WDR54: variants seen among roughly 807,000 people sequenced by gnomAD.
WDR54 encodes the protein WD repeat domain 54.
WDR54 carries 44 observed loss-of-function variants against 44.1 expected under a neutral mutation model. That is an observed-to-expected ratio of 1.00 (90% CI 0.78 to 1.28). The LOEUF (loss-of-function observed/expected upper bound fraction) is 1.28. Among genes scored for constraint, WDR54 ranks in the 50% most tolerant of loss-of-function variants. The pLI is 0.00. For missense variants in WDR54, 409 were observed against 429.7 expected (o/e 0.95, Z 0.43); for synonymous variants, 169 against 169.8 (o/e 1.00, Z 0.04).
At position 74,422,191 on chromosome 2, in the gene WDR54, C is replaced by T. The variant is rs1023176123; in HGVS notation, c.38C>T (p.Ser13Leu). 38 of 1,613,608 alleles carry T rather than the reference C, an allele frequency of 2.4e-5. No homozygotes were observed. The highest frequency in any genetic ancestry group is 2.9e-5 in the Non-Finnish European group (34 of 1,180,040). The change falls in exon 2 of 10, where the codon TCG becomes TTG. Residue 13 changes from serine (S) to leucine (L), a missense_variant. Coordinates refer to ENST00000348227, the MANE Select transcript of WDR54 (RefSeq NM_032118.4). ...GAGCGCTCCATTCCCCTGCGAGGCT[C>T]GGCCGCCGCCCTGTGCAACAACCTC... ...RWERSIPLRGSAAALCNNLSV... is the reference protein window; with the variant it reads ...RWERSIPLRGLAAALCNNLSV...
At chr2:74,422,099 C>G in intron 1 of WDR54, 54 bp from the exon 2 acceptor site, 2 of 1,574,070 alleles carry the variant, frequency 1.3e-6, no homozygotes, top group Non-Finnish European at 1.7e-6. Context: ...CCTCGGGCAT[C>G]TCCGCTGCGT....
Position 74,424,990 on chromosome 2 carries a change from A to G in WDR54, c.635+15A>G, listed in dbSNP as rs753372135. ...CCAGGATTTGGGTAGGTGAGGCAGA[A>G]AGGGTAGAGGGCTTCCTGAGATAGC... On this transcript the variant is annotated intron_variant, in intron 7 of 9. Coordinates refer to ENST00000348227, the MANE Select transcript of WDR54 (RefSeq NM_032118.4). The G allele has an allele frequency of 1.2e-6, 2 of 1,614,198 alleles. No individual in the cohort carries two copies. The highest frequency in any genetic ancestry group is 1.7e-6 in the Non-Finnish European group (2 of 1,180,024).
rs571872048 is a variant in WDR54 at position 74,425,488 on chromosome 2, T to G, written c.870T>G (p.Ile290Met). 6.2e-7 allele frequency: 1 copy of G among 1,614,024 alleles called. No homozygotes were observed. Among genetic ancestry groups the G allele is most frequent in the Admixed American group, 1.7e-5 (1 of 60,016 alleles). ...KLSRNPESGY[I>M]EVEHCHGECV... ...GCAGAAACCCAGAGAGTGGCTACAT[T>G]GAGGTATGTGTCATGGGGTGGGTGG... is the stretch of plus-strand genomic sequence containing the variant. Residue 290 changes from isoleucine to methionine, a missense_variant, in exon 9 of 10, where the codon ATT becomes ATG. Coordinates refer to ENST00000348227, the MANE Select transcript of WDR54 (RefSeq NM_032118.4).
chr2:74,422,483 C>G, intron 2 of WDR54, 108 bp downstream of exon 2: 1 of 1,289,642 alleles, frequency 7.8e-7, no homozygotes, highest in Non-Finnish European at 1.1e-6. Flanking sequence ...TCTCCCCAGG[C>G]ATGTCCTAAC....
intron 3 of WDR54, 76 bp from the exon 4 acceptor site, chr2:74,423,243 G>T (rs1670203490): frequency 6.5e-7 from 1 of 1,532,300 alleles, no homozygotes; most frequent in African/African-American, 1.4e-5. Context: ...AATGGGCTAA[G>T]GCTAACACGG....
intron 2 of WDR54, chr2:74,422,577 G>A: frequency 1.5e-6 from 1 of 671,478 alleles, no homozygotes; most frequent in Non-Finnish European, 2.5e-6. Context: ...GGCACTTGAG[G>A]CCAGGAGTTC....
Position 74,422,162 on chromosome 2 carries a change from C to T in WDR54, c.9C>T (p.Arg3=), listed in dbSNP as rs1172469652. Reference sequence around the variant, plus strand: ...CTGCACCCCCACACAGGATGTTCCGCTGGGAGCGCTCCATTCCCCTGCGAG... The same window carrying T: ...CTGCACCCCCACACAGGATGTTCCGTTGGGAGCGCTCCATTCCCCTGCGAG... MF[R]WERSIPLRGS... Residue 3 remains arginine, a synonymous_variant, in exon 2 of 10, where the codon CGC becomes CGT. Transcript: ENST00000348227. 1.2e-6 allele frequency: 2 copies of T among 1,612,566 alleles called. No individual in the cohort carries two copies. The highest frequency in any genetic ancestry group is 1.3e-5 in the African/African-American group (1 of 74,902).
Position 74,424,964 on chromosome 2 carries a change from T to C in WDR54, c.624T>C (p.Ile208=). Residue 208 remains isoleucine (I), a synonymous_variant, in exon 7 of 10, where the codon ATT becomes ATC. Coordinates refer to ENST00000348227, the MANE Select transcript of WDR54 (RefSeq NM_032118.4). ...SGPEFTLLTR[I]PGFGVPCPSV... Reference sequence around the variant, plus strand: ...CAGAATTCACATTATTGACCCGCATTCCAGGATTTGGGTAGGTGAGGCAGA... The same window carrying C: ...CAGAATTCACATTATTGACCCGCATCCCAGGATTTGGGTAGGTGAGGCAGA... 2 of 1,614,218 alleles carry C rather than the reference T, an allele frequency of 1.2e-6. No homozygotes were observed. The highest frequency in any genetic ancestry group is 1.1e-5 in the South Asian group (1 of 91,082).
Position 74,425,577 on chromosome 2 carries a change from A to G in WDR54, c.881A>G (p.His294Arg). Residue 294 changes from histidine to arginine, a missense_variant, in exon 10 of 10, where the codon CAC (histidine) becomes CGC (arginine). Physicochemically the swap from His to Arg is conservative, Grantham distance 29 (BLOSUM62 0). Coordinates refer to ENST00000348227, the MANE Select transcript of WDR54 (RefSeq NM_032118.4). ...AGCCCTCTGCTCCCCCAGGTGGAAC[A>G]CTGTCATGGTGAGTGTGTCGCCGAC... ...NPESGYIEVE[H>R]CHGECVADTQ... 6.2e-7 allele frequency: 1 copy of G among 1,614,168 alleles called. No individual in the cohort carries two copies. The highest frequency in any genetic ancestry group is 8.5e-7 in the Non-Finnish European group (1 of 1,180,024).
At chr2:74,424,591 T>C (rs926272559) in intron 6 of WDR54, among the ~76,000 whole-genome samples, 4 of 152,220 alleles carry the variant, frequency 2.6e-5, no homozygotes, top group African/African-American at 9.7e-5. Context: ...CACGACACTG[T>C]GGCCTCAGTT....
chr2:74,425,355 G>A (rs1034250104), intron 8 of WDR54, 62 bp from the exon 9 acceptor site: 1 of 1,603,048 alleles, frequency 6.2e-7, no homozygotes, highest in Non-Finnish European at 8.5e-7. Context: ...ACCTGGACTG[G>A]GGATTCCAGC....
In WDR54 at chr2:74,423,999, T is replaced by C; in HGVS notation, c.534+17T>C. On this transcript the variant is annotated intron_variant, in intron 6 of 9. Coordinates refer to ENST00000348227, the MANE Select transcript of WDR54 (RefSeq NM_032118.4). ...CAGGGACAGGTGAGTGGACTTCCCC[T>C]ACCCATCTGGGAGCCTTCCCCACCC... 1.2e-6 allele frequency: 2 copies of C among 1,613,768 alleles called. No individual in the cohort carries two copies. Among genetic ancestry groups the C allele is most frequent in the Non-Finnish European group, 1.7e-6 (2 of 1,179,876 alleles).
At chr2:74,423,270 G>T (rs1234543456) in intron 3 of WDR54, 49 bp from the exon 4 acceptor site, 1 of 1,591,418 alleles carries the variant, frequency 6.3e-7, no homozygotes, top group Non-Finnish European at 8.6e-7. Flanking sequence ...GAAGTACTCA[G>T]CAGAGGTCAG....
At chr2:74,423,180 G>GA (rs1218845318) in intron 3 of WDR54, 139 bp from the exon 4 acceptor site, 11 of 1,106,100 alleles carry the variant, frequency 9.9e-6, no homozygotes, top group South Asian at 2.7e-5. Context: ...GTTGTCCTCT[G>GA]AAAAAATTAG....
intron 5 of WDR54, 119 bp downstream of exon 5, chr2:74,423,650 A>T: frequency 6.8e-7 from 1 of 1,461,398 alleles, no homozygotes; most frequent in Non-Finnish European, 9.4e-7. Context: ...AGTGGAGTGG[A>T]ATCAGAGACT....
At chr2:74,424,037 G>T (rs999660067) in intron 6 of WDR54, 55 bp downstream of exon 6, 1 of 1,608,246 alleles carries the variant, frequency 6.2e-7, no homozygotes, top group Non-Finnish European at 8.5e-7. Flanking sequence ...GGAGGCAGGG[G>T]ACCTGGCTTT....
Position 74,423,840 on chromosome 2 carries a change from T to C in WDR54, c.407-15T>C, listed in dbSNP as rs1419390784. On this transcript the variant is annotated splice_polypyrimidine_tract_variant and intron_variant, in intron 5 of 9. Coordinates refer to ENST00000348227, the MANE Select transcript of WDR54 (RefSeq NM_032118.4). Reference sequence around the variant, plus strand: ...GGTCAGGAAGTCATCACTGGAGTACTGGTTCTGGATACAGGAACGTGGTCA... The same window carrying C: ...GGTCAGGAAGTCATCACTGGAGTACCGGTTCTGGATACAGGAACGTGGTCA... The C allele has an allele frequency of 6.2e-7, 1 of 1,613,394 alleles. No homozygotes were observed. Among genetic ancestry groups the C allele is most frequent in the African/African-American group, 1.3e-5 (1 of 74,920 alleles).
At position 74,425,680 on chromosome 2, in the gene WDR54, C is replaced by A. The variant is rs761843269; in HGVS notation, c.984C>A (p.Ile328=). ...TGACTGGCTATGACCTTGCGGAGAT[C>A]CGGAGATTCAGCAGTGTGTGAGAAG... ...FAVTGYDLAE[I]RRFSSV is the part of the protein sequence containing the mutation. The change falls in exon 10 of 10, where the codon ATC becomes ATA. Residue 328 remains isoleucine, a synonymous_variant. Transcript: ENST00000348227. 1.2e-6 allele frequency: 2 copies of A among 1,614,204 alleles called. No homozygotes were observed. Among genetic ancestry groups the A allele is most frequent in the South Asian group, 1.1e-5 (1 of 91,076 alleles).
In WDR54 at chr2:74,425,691, G is replaced by C; in HGVS notation, c.995G>C (p.Ser332Thr). 1 of 1,614,194 alleles carries C rather than the reference G, an allele frequency of 6.2e-7. No individual in the cohort carries two copies. Among genetic ancestry groups the C allele is most frequent in the Non-Finnish European group, 8.5e-7 (1 of 1,180,038 alleles). The change falls in exon 10 of 10, where the codon AGC becomes ACC. Residue 332 changes from serine to threonine, a missense_variant. Transcript: ENST00000348227. Reference sequence around the variant, plus strand: ...GACCTTGCGGAGATCCGGAGATTCAGCAGTGTGTGAGAAGAGCAGCCTTCC... The same window carrying C: ...GACCTTGCGGAGATCCGGAGATTCACCAGTGTGTGAGAAGAGCAGCCTTCC... ...GYDLAEIRRF[S>T]SV
Sources: allele counts gnomAD v4.1 joint callset (sites outside exome capture counted in the v4.1 genomes callset), GRCh38; gene constraint gnomAD v4.1.1; transcripts MANE v1.5; gene names NCBI Gene and HGNC (gene_info 2026-07-23, HGNC 2026-07-21).